NEUROD2: variants seen among roughly 807,000 people sequenced by gnomAD.
NEUROD2 encodes the protein neurogenic differentiation factor 2.
A neutral mutation model predicts 9.3 loss-of-function variants in NEUROD2; 5 were observed. The observed-to-expected ratio is 0.54, with a 90% CI of 0.28 to 1.13. NEUROD2 has a LOEUF of 1.13. NEUROD2 is among the 50% of genes most tolerant of loss of function. The pLI is 0.10. For missense variants in NEUROD2, 376 were observed against 549.2 expected, an observed-to-expected ratio of 0.68 and a Z score of 3.15; for synonymous variants, 277 against 257.3, an observed-to-expected ratio of 1.08 and a Z score of -0.73.
rs752703656 is a variant in NEUROD2 at position 39,605,941 on chromosome 17, C to A, written c.659G>T (p.Gly220Val). ...GTGGAAGCGGCCGGCACCGTCGGCG[C>A]CTTGCTCCGTGAGGAAGTTGCGAGA... is the stretch of plus-strand genomic sequence containing the variant. ...LNSRNFLTEQ[G>V]ADGAGRFHGS... The change falls in exon 2 of 2, where the codon GGC (glycine) becomes GTC (valine). Residue 220 changes from glycine to valine, a missense_variant. Gly to Val is a moderately radical substitution (Grantham distance 109, BLOSUM62 -3). Around this residue, in one of 3 missense-constraint regions of NEUROD2, gnomAD observed 193 missense variants for 255.8 expected, o/e 0.75. Coordinates refer to ENST00000302584, the MANE Select transcript of NEUROD2 (RefSeq NM_006160.4). This position sits in a 1 kb window ranked among gnomAD's most constrained non-coding sequence, Gnocchi z 6.8. The A allele has an allele frequency of 5.6e-6, 9 of 1,612,406 alleles. No individual in the cohort carries two copies. In the South Asian group the frequency reaches 7.7e-5, roughly 14 times the overall value.
Position 39,605,648 on chromosome 17 carries a change from C to G in NEUROD2, c.952G>C (p.Asp318His), listed in dbSNP as rs1434636065. The change falls in exon 2 of 2, where the codon GAC becomes CAC. Residue 318 changes from aspartate (D) to histidine (H), a missense_variant. By Grantham distance (81) the Asp-to-His change is moderately conservative. Coordinates refer to ENST00000302584, the MANE Select transcript of NEUROD2 (RefSeq NM_006160.4). The surrounding 1 kb of genome is among the most constrained non-coding windows in gnomAD (Gnocchi z 6.8). ...GAGTAGTGGTAGCTTTTCTCGTGGT[C>G]GGGCGAGGAGTCCTGCTTGAGTGAG... ...NFSLKQDSSP[D>H]HEKSYHYSMH... 4 of 1,612,636 alleles carry G rather than the reference C, an allele frequency of 2.5e-6. No homozygotes were observed. The highest frequency in any genetic ancestry group is 3.4e-6 in the Non-Finnish European group (4 of 1,179,448).
rs2056759993 is a variant in NEUROD2, at chr17:39,604,792, T to TTTTGTATGTTTG, written c.*647_*658dup. 7.1e-6 allele frequency: 1 copy of TTTTGTATGTTTG among 141,088 alleles called. No individual in the cohort carries two copies. The highest frequency in any genetic ancestry group is 1.5e-5 in the Non-Finnish European group (1 of 65,156). 8.7% of individuals were successfully genotyped at this position (141,088 alleles called of 1,614,324 possible). ...TTTTTTTTTTTTTTTTTTTTTTTTT[T>TTTTGTATGTTTG]TTTGTATGTTTGTTTGTTTAAAAAA... is the stretch of plus-strand genomic sequence containing the variant. On this transcript the variant is annotated 3_prime_UTR_variant, in exon 2 of 2. Coordinates refer to ENST00000302584, the MANE Select transcript of NEUROD2 (RefSeq NM_006160.4).
Position 39,605,099 on chromosome 17 carries a change from T to G in NEUROD2, c.*352A>C. On this transcript the variant is annotated 3_prime_UTR_variant, in exon 2 of 2. Coordinates refer to ENST00000302584, the MANE Select transcript of NEUROD2 (RefSeq NM_006160.4). This position sits in a 1 kb window ranked among gnomAD's most constrained non-coding sequence, Gnocchi z 6.8. ...GCTCAGCTGCCCCCTTACCAACGCCTTGGGCCTGCAGGGAGGAGGGGGAGG... is the reference window on the plus strand; with the variant it reads ...GCTCAGCTGCCCCCTTACCAACGCCGTGGGCCTGCAGGGAGGAGGGGGAGG... The G allele has an allele frequency of 5.2e-6, 1 of 192,616 alleles. No individual in the cohort carries two copies. Among genetic ancestry groups the G allele is most frequent in the Non-Finnish European group, 1.1e-5 (1 of 95,110 alleles). The allele number at this position is 192,616 out of a possible 1,614,324, so 11.9% of individuals were successfully genotyped here. A position where few individuals can be genotyped will look rare whatever the true frequency, so the allele number is the denominator to read the frequency against.
Position 39,606,560 on chromosome 17 carries a change from C to A in NEUROD2, c.40G>T (p.Asp14Tyr). The A allele has an allele frequency of 6.3e-7, 1 of 1,584,870 alleles. No individual in the cohort carries two copies. ...CCCCAGCTGGCGAACTTGGGCACGT[C>A]CGAGAGAAGGCCGGGCTCGCTGAAC... ...RLFSEPGLLSDVPKFASWGDG... is the reference protein window; with the variant it reads ...RLFSEPGLLSYVPKFASWGDG... Residue 14 changes from aspartate to tyrosine, a missense_variant, in exon 2 of 2, where the codon GAC becomes TAC. By Grantham distance (160) the Asp-to-Tyr change is radical (BLOSUM62 -3). This residue lies in a region of NEUROD2 where 134 missense variants were observed against 133.6 expected (regional missense o/e 1.00). Coordinates refer to ENST00000302584, the MANE Select transcript of NEUROD2 (RefSeq NM_006160.4). This position sits in a 1 kb window ranked among gnomAD's most constrained non-coding sequence, Gnocchi z 7.8.
rs2056759586 is a variant in NEUROD2, at chr17:39,604,755, C to CA, written c.*695_*696insT. On this transcript the variant is annotated 3_prime_UTR_variant, in exon 2 of 2. Coordinates refer to ENST00000302584, the MANE Select transcript of NEUROD2 (RefSeq NM_006160.4). ...GCGTTCGGCTTCCGTCGCCTCTTAG[C>CA]TTTTTTTTTTTTTTTTTTTTTTTTT... The CA allele has an allele frequency of 6.3e-4, 14 of 22,344 alleles. No individual in the cohort carries two copies. Among genetic ancestry groups the CA allele is most frequent in the African/African-American group, 8.2e-4 (4 of 4,904 alleles). 1.4% of individuals were successfully genotyped at this position (22,344 alleles called of 1,614,324 possible). A position where few individuals can be genotyped will look rare whatever the true frequency, so the allele number is the denominator to read the frequency against.
Position 39,605,443 on chromosome 17 carries a change from G to T in NEUROD2, c.*8C>A. On this transcript the variant is annotated 3_prime_UTR_variant, in exon 2 of 2. Coordinates refer to ENST00000302584, the MANE Select transcript of NEUROD2 (RefSeq NM_006160.4). The surrounding 1 kb of genome is among the most constrained non-coding windows in gnomAD (Gnocchi z 6.8). ...GCAAAAGAAAAAGAAGGGAGCCGGCGCGAAGTCTCAGTTATGAAAAAACGC... is the reference window on the plus strand; with the variant it reads ...GCAAAAGAAAAAGAAGGGAGCCGGCTCGAAGTCTCAGTTATGAAAAAACGC... 1 of 1,559,530 alleles carries T rather than the reference G, an allele frequency of 6.4e-7. No homozygotes were observed. The highest frequency in any genetic ancestry group is 1.9e-5 in the Admixed American group (1 of 53,574).
At position 39,605,637 on chromosome 17, in the gene NEUROD2, T is replaced by C; in HGVS notation, c.963A>G (p.Lys321=). Reference sequence around the variant, plus strand: ...AGTAGTGCATAGAGTAGTGGTAGCTTTTCTCGTGGTCGGGCGAGGAGTCCT... The same window carrying C: ...AGTAGTGCATAGAGTAGTGGTAGCTCTTCTCGTGGTCGGGCGAGGAGTCCT... ...LKQDSSPDHE[K]SYHYSMHYSA... Residue 321 remains lysine (K), a synonymous_variant, in exon 2 of 2, where the codon AAA becomes AAG. Transcript: ENST00000302584. The surrounding 1 kb of genome is among the most constrained non-coding windows in gnomAD (Gnocchi z 6.8). 9 of 1,612,498 alleles carry C rather than the reference T, an allele frequency of 5.6e-6. No homozygotes were observed. Among genetic ancestry groups the C allele is most frequent in the Non-Finnish European group, 7.6e-6 (9 of 1,179,330 alleles).
chr17:39,606,165 G>C lies in NEUROD2; in HGVS notation c.435C>G (p.Arg145=), dbSNP rs764115228. The change falls in exon 2 of 2, where the codon CGC becomes CGG. Residue 145 remains arginine, a synonymous_variant. Coordinates refer to ENST00000302584, the MANE Select transcript of NEUROD2 (RefSeq NM_006160.4). The surrounding 1 kb of genome is among the most constrained non-coding windows in gnomAD (Gnocchi z 7.8). ...TCTTGGAGTAGCAGGGCACCACCTT[G>C]CGCAGGTTGTCCAGGGCTGCGTTCA... ...HDLNAALDNL[R]KVVPCYSKTQ... is the part of the protein sequence containing the mutation. 1.9e-6 allele frequency: 3 copies of C among 1,613,388 alleles called. No homozygotes were observed. The African/African-American group carries it at 4.0e-5, about 22-fold the overall frequency.
rs1171422078 is a variant in NEUROD2, at chr17:39,604,161, C to T, written c.*1290G>A. The T allele has an allele frequency of 1.3e-5, 2 of 152,562 alleles. No homozygotes were observed. Among genetic ancestry groups the T allele is most frequent in the Non-Finnish European group, 2.9e-5 (2 of 68,040 alleles). The allele number at this position is 152,562 out of a possible 1,614,324, so 9.5% of individuals were successfully genotyped here. A position where few individuals can be genotyped will look rare whatever the true frequency, so the allele number is the denominator to read the frequency against. On this transcript the variant is annotated 3_prime_UTR_variant, in exon 2 of 2. Transcript: ENST00000302584. The stretch of plus-strand genomic sequence containing the variant: ...ACAGTCCGGGCAGGGGTGGGGCTGC[C>T]CCCAGGTCTCCATCCCCACCCCTCA...
chr17:39,605,736 C>A lies in NEUROD2; in HGVS notation c.864G>T (p.Pro288=), dbSNP rs765770959. The A allele has an allele frequency of 2.0e-6, 3 of 1,516,210 alleles. No homozygotes were observed. The highest frequency in any genetic ancestry group is 2.5e-5 in the South Asian group (2 of 80,164). The allele number at this position is 1,516,210 out of a possible 1,614,324, so 93.9% of individuals were successfully genotyped here. The part of the protein sequence containing the change: ...YAAAGGGGAS[P]DYNSSEYEGP... ...CCTCGTACTCGGAGCTGTTGTAGTCCGGGCTCGCGCCGCCACCGCCTGCCG... is the reference window on the plus strand; with the variant it reads ...CCTCGTACTCGGAGCTGTTGTAGTCAGGGCTCGCGCCGCCACCGCCTGCCG... Residue 288 remains proline, a synonymous_variant, in exon 2 of 2, where the codon CCG becomes CCT. Coordinates refer to ENST00000302584, the MANE Select transcript of NEUROD2 (RefSeq NM_006160.4). The surrounding 1 kb of genome is among the most constrained non-coding windows in gnomAD (Gnocchi z 6.8).
In NEUROD2 at chr17:39,605,096, G is replaced by C; in HGVS notation, c.*355C>G. 1 of 190,006 alleles carries C rather than the reference G, an allele frequency of 5.3e-6. No individual in the cohort carries two copies. The highest frequency in any genetic ancestry group is 1.1e-5 in the Non-Finnish European group (1 of 93,420). 11.8% of individuals were successfully genotyped at this position (190,006 alleles called of 1,614,324 possible). A position where few individuals can be genotyped will look rare whatever the true frequency, so the allele number is the denominator to read the frequency against. Reference sequence around the variant, plus strand: ...ATTGCTCAGCTGCCCCCTTACCAACGCCTTGGGCCTGCAGGGAGGAGGGGG... The same window carrying C: ...ATTGCTCAGCTGCCCCCTTACCAACCCCTTGGGCCTGCAGGGAGGAGGGGG... On this transcript the variant is annotated 3_prime_UTR_variant, in exon 2 of 2. Transcript: ENST00000302584. The surrounding 1 kb of genome is among the most constrained non-coding windows in gnomAD (Gnocchi z 6.8).
At position 39,605,086 on chromosome 17, in the gene NEUROD2, C is replaced by G. The variant is rs1001248621; in HGVS notation, c.*365G>C. ...AACGCGTTCCATTGCTCAGCTGCCC[C>G]CTTACCAACGCCTTGGGCCTGCAGG... On this transcript the variant is annotated 3_prime_UTR_variant, in exon 2 of 2. Coordinates refer to ENST00000302584, the MANE Select transcript of NEUROD2 (RefSeq NM_006160.4). The surrounding 1 kb of genome is among the most constrained non-coding windows in gnomAD (Gnocchi z 6.8). 9.2e-5 allele frequency: 17 copies of G among 183,922 alleles called. No homozygotes were observed. Among genetic ancestry groups the G allele is most frequent in the African/African-American group, 4.0e-4 (17 of 42,716 alleles). 11.4% of individuals were successfully genotyped at this position (183,922 alleles called of 1,614,324 possible).
intron 1 of NEUROD2, 185 bp downstream of exon 1, chr17:39,607,542 AC>A (rs1340786349): frequency 1.1e-6 from 1 of 906,710 alleles, no homozygotes; most frequent in Non-Finnish European, 1.3e-6. Flanking sequence ...AGGCAGAGAC[AC>A]CTCCTCTGCA....
chr17:39,605,465 A>G lies in NEUROD2; in HGVS notation c.1135T>C (p.Phe379Leu). ...GGCGCGAAGTCTCAGTTATGAAAAA[A>G]CGCATTGAGCTCCTCGTACATGGGG... ...RGPMYEELNA[F>L]FHN The change falls in exon 2 of 2, where the codon TTT becomes CTT. Residue 379 changes from phenylalanine to leucine, a missense_variant. Phe to Leu is a conservative substitution (Grantham distance 22). Around this residue, in one of 3 missense-constraint regions of NEUROD2, gnomAD observed 193 missense variants for 255.8 expected, o/e 0.75. Coordinates refer to ENST00000302584, the MANE Select transcript of NEUROD2 (RefSeq NM_006160.4). The surrounding 1 kb of genome is among the most constrained non-coding windows in gnomAD (Gnocchi z 6.8). The G allele has an allele frequency of 6.3e-7, 1 of 1,577,506 alleles. No homozygotes were observed. The highest frequency in any genetic ancestry group is 8.6e-7 in the Non-Finnish European group (1 of 1,159,474).
Position 39,605,914 on chromosome 17 carries a change from C to A in NEUROD2, c.686G>T (p.Gly229Val). 6.2e-7 allele frequency: 1 copy of A among 1,608,904 alleles called. No homozygotes were observed. Among genetic ancestry groups the A allele is most frequent in the Non-Finnish European group, 8.5e-7 (1 of 1,178,428 alleles). ...QGADGAGRFH[G>V]SGGPFAMHPY... is the part of the protein sequence containing the mutation. Reference sequence around the variant, plus strand: ...GTGCATGGCGAACGGGCCGCCCGAGCCGTGGAAGCGGCCGGCACCGTCGGC... The same window carrying A: ...GTGCATGGCGAACGGGCCGCCCGAGACGTGGAAGCGGCCGGCACCGTCGGC... The change falls in exon 2 of 2, where the codon GGC (glycine) becomes GTC (valine). Residue 229 changes from glycine (G) to valine (V), a missense_variant. By Grantham distance (109) the Gly-to-Val change is moderately radical. Coordinates refer to ENST00000302584, the MANE Select transcript of NEUROD2 (RefSeq NM_006160.4). The surrounding 1 kb of genome is among the most constrained non-coding windows in gnomAD (Gnocchi z 6.8).
chr17:39,606,028 G>A lies in NEUROD2; in HGVS notation c.572C>T (p.Thr191Ile). 6.2e-7 allele frequency: 1 copy of A among 1,614,096 alleles called. No individual in the cohort carries two copies. Among genetic ancestry groups the A allele is most frequent in the Non-Finnish European group, 8.5e-7 (1 of 1,179,958 alleles). The change falls in exon 2 of 2, where the codon ACT becomes ATT. Residue 191 changes from threonine to isoleucine, a missense_variant. Physicochemically the swap from Thr to Ile is moderately conservative, Grantham distance 89. Around this residue, in one of 3 missense-constraint regions of NEUROD2, gnomAD observed 49 missense variants for 159.8 expected, o/e 0.31. Coordinates refer to ENST00000302584, the MANE Select transcript of NEUROD2 (RefSeq NM_006160.4). The surrounding 1 kb of genome is among the most constrained non-coding windows in gnomAD (Gnocchi z 7.8). ...GGGCTGCGACAGACCCTTGCACAGA[G>A]TCTGCACGTAGGACACTAGGTCTGG... ...KRPDLVSYVQ[T>I]LCKGLSQPTT...
rs67001366 is a variant in NEUROD2 at position 39,604,755 on chromosome 17, CTTTTTTTTTTTTTTTTTTT to C, written c.*677_*695del. 3.1e-4 allele frequency: 7 copies of C among 22,342 alleles called. No individual in the cohort carries two copies. Among genetic ancestry groups the C allele is most frequent in the Admixed American group, 1.8e-3 (2 of 1,138 alleles). The allele number at this position is 22,342 out of a possible 1,614,324, so 1.4% of individuals were successfully genotyped here. A position where few individuals can be genotyped will look rare whatever the true frequency, so the allele number is the denominator to read the frequency against. Reference sequence around the variant, plus strand: ...GCGTTCGGCTTCCGTCGCCTCTTAGCTTTTTTTTTTTTTTTTTTTTTTTTTTTTTTTTTTTTTTTTGTAT... The same window carrying C: ...GCGTTCGGCTTCCGTCGCCTCTTAGCTTTTTTTTTTTTTTTTTTTTTGTAT... On this transcript the variant is annotated 3_prime_UTR_variant, in exon 2 of 2. Coordinates refer to ENST00000302584, the MANE Select transcript of NEUROD2 (RefSeq NM_006160.4).
At position 39,605,316 on chromosome 17, in the gene NEUROD2, A is replaced by T; in HGVS notation, c.*135T>A. 1 of 1,207,808 alleles carries T rather than the reference A, an allele frequency of 8.3e-7. No homozygotes were observed. Among genetic ancestry groups the T allele is most frequent in the Non-Finnish European group, 1.1e-6 (1 of 889,912 alleles). The allele number at this position is 1,207,808 out of a possible 1,614,324, so 74.8% of individuals were successfully genotyped here. ...ACAGGTAACAGGACTGCGCTGCCCC[A>T]GGAGAGCGGCAGGACCGGTGGCCCG... On this transcript the variant is annotated 3_prime_UTR_variant, in exon 2 of 2. Coordinates refer to ENST00000302584, the MANE Select transcript of NEUROD2 (RefSeq NM_006160.4). This position sits in a 1 kb window ranked among gnomAD's most constrained non-coding sequence, Gnocchi z 6.8.
In NEUROD2 at chr17:39,605,786, C is replaced by T; in HGVS notation, c.814G>A (p.Ala272Thr). The T allele has an allele frequency of 7.1e-7, 1 of 1,416,904 alleles. No homozygotes were observed. The highest frequency in any genetic ancestry group is 9.2e-7 in the Non-Finnish European group (1 of 1,089,476). 87.8% of individuals were successfully genotyped at this position (1,416,904 alleles called of 1,614,324 possible). ...GCCGCATACAGCGTCTCGTAGGCGG[C>T]GCAGTAGCCGTGGGTCCGCAGGGCG... ...AHALRTHGYCAAYETLYAAAG... is the reference protein window; with the variant it reads ...AHALRTHGYCTAYETLYAAAG... Residue 272 changes from alanine (A) to threonine (T), a missense_variant, in exon 2 of 2, where the codon GCC becomes ACC. By Grantham distance (58) the Ala-to-Thr change is moderately conservative. Coordinates refer to ENST00000302584, the MANE Select transcript of NEUROD2 (RefSeq NM_006160.4). The surrounding 1 kb of genome is among the most constrained non-coding windows in gnomAD (Gnocchi z 6.8).
Sources: gnomAD v4.1 joint callset for allele counts on GRCh38, gnomAD v4.1.1 for gene constraint, gnomAD v4.1.1 regional missense constraint, Gnocchi (gnomAD v3.1) non-coding constraint, MANE v1.5 for transcripts, NCBI Gene and HGNC (gene_info 2026-07-23, HGNC 2026-07-21) for gene names.